The following SCAMP1 variants were observed in gnomAD, a reference collection of about 807,000 sequenced individuals.
SCAMP1 encodes secretory carrier-associated membrane protein 1.
Under a neutral mutation model 41.8 loss-of-function variants are expected in SCAMP1, and 15 were observed. That is an observed-to-expected ratio of 0.36 (90% confidence interval 0.24 to 0.55). SCAMP1 has a LOEUF of 0.55. SCAMP1 is among the 20% of genes least tolerant of loss of function. The pLI is 0.86. For synonymous variants in SCAMP1, 135 were observed against 136.8 expected (o/e 0.99, Z 0.09); for missense variants, 341 against 412.6 (o/e 0.83, Z 1.50).
chr5:78,425,918 G>A (rs190631549), intron 6 of SCAMP1, among the ~76,000 whole-genome samples: 13 of 152,120 alleles, frequency 8.5e-5, no homozygotes, highest in Non-Finnish European at 1.5e-4. Context: ...CGTGCATTAG[G>A]TATTTGTCCT....
intron 1 of SCAMP1, among the ~76,000 whole-genome samples, chr5:78,386,314 T>C (rs887930201): frequency 6.6e-6 from 1 of 152,168 alleles, no homozygotes; most frequent in African/African-American, 2.4e-5. Flanking sequence ...GAATATCTTT[T>C]TCTAGGCCTT....
intron 2 of SCAMP1, among the ~76,000 whole-genome samples, chr5:78,398,405 C>T (rs1270292705): frequency 8.9e-6 from 1 of 112,050 alleles, no homozygotes; most frequent in Non-Finnish European, 1.8e-5. Context: ...CACTTTGTTG[C>T]CCAGGCTTCA....
At chr5:78,447,625 A>T (rs954458911) in intron 6 of SCAMP1, among the ~76,000 whole-genome samples, 14 of 152,210 alleles carry the variant, frequency 9.2e-5, no homozygotes, top group Non-Finnish European at 1.8e-4. Flanking sequence ...CTTGAATGTA[A>T]AACTGAAAAT....
At chr5:78,452,815 G>A (rs1297480646) in intron 7 of SCAMP1, among the ~76,000 whole-genome samples, 1 of 145,810 alleles carries the variant, frequency 6.9e-6, no homozygotes, top group African/African-American at 2.6e-5. Context: ...CAGTGTAAAA[G>A]TGTTCCTATT....
intron 6 of SCAMP1, among the ~76,000 whole-genome samples, chr5:78,441,015 A>G (rs184013951): frequency 2.4e-4 from 36 of 152,348 alleles, no homozygotes; most frequent in South Asian, 8.3e-4. Flanking sequence ...AGCCAGGCAC[A>G]GGATATAATC....
intron 1 of SCAMP1, among the ~76,000 whole-genome samples, chr5:78,374,351 C>T (rs1001374206): frequency 6.6e-6 from 1 of 151,978 alleles, no homozygotes; most frequent in Non-Finnish European, 1.5e-5. Context: ...TAGGGAAATT[C>T]GGACACAGAA....
chr5:78,391,252 C>T (rs1751488053), intron 2 of SCAMP1, among the ~76,000 whole-genome samples: 1 of 151,422 alleles, frequency 6.6e-6, no homozygotes, highest in Non-Finnish European at 1.5e-5. Flanking sequence ...CCCCTCACCT[C>T]CCGGACGGGG....
At chr5:78,437,118 G>C (rs1283277318) in intron 6 of SCAMP1, among the ~76,000 whole-genome samples, 1 of 152,260 alleles carries the variant, frequency 6.6e-6, no homozygotes, top group African/African-American at 2.4e-5. Flanking sequence ...AGGAGATTTT[G>C]GGCTGAGATG....
In SCAMP1 at chr5:78,459,276, C is replaced by G. The variant is rs1753520813; in HGVS notation, c.766C>G (p.Gln256Glu). 5.0e-6 allele frequency: 8 copies of G among 1,602,954 alleles called. No individual in the cohort carries two copies. Among genetic ancestry groups the G allele is most frequent in the Non-Finnish European group, 6.8e-6 (8 of 1,170,862 alleles). The change falls in exon 8 of 9, where the codon CAA becomes GAA. Residue 256 changes from glutamine to glutamate, a missense_variant. Physicochemically the swap from Gln to Glu is conservative, Grantham distance 29. Transcript: ENST00000621999. ...GATTTCATCCCTTACTGGTCTCAAC[C>G]AAAATATTCCTGTTGGAATCATGAT... ...GWISSLTGLNQNIPVGIMMII... is the reference protein window; with the variant it reads ...GWISSLTGLNENIPVGIMMII...
rs186218979 is a variant in SCAMP1, at chr5:78,371,647, T to C, written c.57+10919T>C. Among the ~76,000 whole-genome samples, 8 of 152,346 alleles carry C rather than the reference T, an allele frequency of 5.3e-5. No homozygotes were observed. The East Asian group carries it at 1.5e-3, about 29-fold the overall frequency. ...ACTGCTTCTAAGTCTTTGCATACTTTAATGCTTAAAAACAAATTTAATAGC... is the reference window on the plus strand; with the variant it reads ...ACTGCTTCTAAGTCTTTGCATACTTCAATGCTTAAAAACAAATTTAATAGC... On this transcript the variant is annotated intron_variant, in intron 1 of 8. Transcript: ENST00000621999.
In SCAMP1 at chr5:78,449,927, TC is replaced by T; in HGVS notation, c.633-5del. The T allele has an allele frequency of 6.8e-7, 1 of 1,472,076 alleles. No homozygotes were observed. Among genetic ancestry groups the T allele is most frequent in the East Asian group, 2.4e-5 (1 of 41,578 alleles). The allele number at this position is 1,472,076 out of a possible 1,614,324, so 91.2% of individuals were successfully genotyped here. A position where few individuals can be genotyped will look rare whatever the true frequency, so the allele number is the denominator to read the frequency against. ...TTTTTTCTTTCTTTCTTTTTTTTTTTCAAAGGAGTGACAGTTCATTTAGATT... is the reference window on the plus strand; with the variant it reads ...TTTTTTCTTTCTTTCTTTTTTTTTTTAAAGGAGTGACAGTTCATTTAGATT... On this transcript the variant is annotated splice_polypyrimidine_tract_variant and splice_region_variant and intron_variant, in intron 6 of 8. Transcript: ENST00000621999.
Position 78,475,629 on chromosome 5 carries a change from T to C in SCAMP1, c.978T>C (p.Ser326=), listed in dbSNP as rs1753986328. The part of the protein sequence containing the change: ...AAANAASTAA[S]SAAQNAFKGN... ...CAAATGCAGCTTCAACTGCAGCATCTAGTGCAGCTCAGAATGCTTTCAAGG... is the reference window on the plus strand; with the variant it reads ...CAAATGCAGCTTCAACTGCAGCATCCAGTGCAGCTCAGAATGCTTTCAAGG... Residue 326 remains serine, a synonymous_variant, in exon 9 of 9, where the codon TCT becomes TCC. Coordinates refer to ENST00000621999, the MANE Select transcript of SCAMP1 (RefSeq NM_004866.6). The C allele has an allele frequency of 1.3e-6, 2 of 1,599,058 alleles. No individual in the cohort carries two copies. Among genetic ancestry groups the C allele is most frequent in the Non-Finnish European group, 1.7e-6 (2 of 1,172,436 alleles).
intron 6 of SCAMP1, among the ~76,000 whole-genome samples, chr5:78,438,576 A>AG (rs1425211158): frequency 6.6e-6 from 1 of 152,170 alleles, no homozygotes; most frequent in Admixed American, 6.5e-5. Flanking sequence ...GTGGTCTGAG[A>AG]GACAGTTTGT....
chr5:78,394,365 C>A (rs1002413017), intron 2 of SCAMP1, among the ~76,000 whole-genome samples: 1 of 151,892 alleles, frequency 6.6e-6, no homozygotes, highest in Non-Finnish European at 1.5e-5. Flanking sequence ...ACAATGAAGG[C>A]AGGGAGGAAA....
At chr5:78,442,147 G>C (rs1041499903) in intron 6 of SCAMP1, among the ~76,000 whole-genome samples, 1 of 152,062 alleles carries the variant, frequency 6.6e-6, no homozygotes, top group African/African-American at 2.4e-5. Flanking sequence ...AAGGAAAAAA[G>C]CATGATAAAT....
At chr5:78,378,246 C>T (rs1189546396) in intron 1 of SCAMP1, among the ~76,000 whole-genome samples, 1 of 152,166 alleles carries the variant, frequency 6.6e-6, no homozygotes, top group Non-Finnish European at 1.5e-5. Flanking sequence ...CAATAATCAT[C>T]CATGTAGATT....
intron 1 of SCAMP1, among the ~76,000 whole-genome samples, chr5:78,374,026 T>G (rs1751007224): frequency 2.6e-5 from 4 of 152,066 alleles, no homozygotes; most frequent in Admixed American, 1.3e-4. Flanking sequence ...TTATCATCAT[T>G]GAAGATGGAG....
chr5:78,379,968 G>A (rs1187931685), intron 1 of SCAMP1, among the ~76,000 whole-genome samples: 2 of 151,988 alleles, frequency 1.3e-5, no homozygotes, highest in Non-Finnish European at 1.5e-5. Context: ...GTCTAGCTTC[G>A]AAGTCTATCA....
chr5:78,416,788 A>G, intron 4 of SCAMP1, 139 bp downstream of exon 4: 2 of 608,086 alleles, frequency 3.3e-6, no homozygotes, highest in Non-Finnish European at 5.8e-6. Flanking sequence ...GACACAGCAG[A>G]TTGCCTGTTT....
Sources: gnomAD v4.1 joint callset for allele counts (sites outside exome capture counted in the v4.1 genomes callset) on GRCh38, gnomAD v4.1.1 for gene constraint, MANE v1.5 for transcripts, NCBI Gene and HGNC (gene_info 2026-07-23, HGNC 2026-07-21) for gene names.